The following GIT2 variants were observed in gnomAD, a reference collection of about 807,000 sequenced individuals.
GIT2 encodes the protein ARF GTPase-activating protein GIT2.
Under a neutral mutation model 100.3 loss-of-function variants are expected in GIT2, and 32 were observed. The ratio of observed to expected loss-of-function variants is 0.32; its 90% confidence interval spans 0.24 to 0.43. The LOEUF (loss-of-function observed/expected upper bound fraction) is 0.43, where lower values mean the gene tolerates loss of function less well. Ranked by LOEUF, GIT2 falls within the 20% of genes least tolerant of loss-of-function variation. The pLI is 1.00. For missense variants in GIT2, 737 were observed against 975.1 expected (o/e 0.76, Z 3.25); for synonymous variants, 353 against 364.1 (o/e 0.97, Z 0.35).
At chr12:109,999,655 C>A, upstream of GIT2, 1 of 1,492,404 alleles carries the variant, frequency 6.7e-7, no homozygotes, top group Non-Finnish European at 9.0e-7. This position sits in a 1 kb window ranked among gnomAD's most constrained non-coding sequence, Gnocchi z 4.3. Flanking sequence ...AGACTTGGGG[C>A]GGGCGACGAG....
intron 8 of GIT2, 59 bp downstream of exon 8, chr12:109,967,399 A>C: frequency 6.6e-7 from 1 of 1,510,176 alleles, no homozygotes; most frequent in Non-Finnish European, 9.2e-7. Context: ...ACTTAAACAT[A>C]ATACAACCAA....
At position 109,947,466 on chromosome 12, in the gene GIT2, T is replaced by C; in HGVS notation, c.1431A>G (p.Lys477=). ...TLQSENSNLR[K]QATTNVYQVQ... ...CCTGATATACATTGGTTGTGGCCTG[T>C]TTCCTGAGGTTCGAATTTTCACTCT... The change falls in exon 15 of 20, where the codon AAA becomes AAG. Residue 477 remains lysine (K), a synonymous_variant. Transcript: ENST00000355312. The surrounding 1 kb of genome is among the most constrained non-coding windows in gnomAD (Gnocchi z 4.3). 6.2e-7 allele frequency: 1 copy of C among 1,613,880 alleles called. No homozygotes were observed. Among genetic ancestry groups the C allele is most frequent in the Non-Finnish European group, 8.5e-7 (1 of 1,179,744 alleles).
intron 7 of GIT2, among the ~76,000 whole-genome samples, chr12:109,970,455 T>G (rs1476929505): frequency 6.6e-6 from 1 of 152,170 alleles, no homozygotes; most frequent in Non-Finnish European, 1.5e-5. Flanking sequence ...ATCCCACCAC[T>G]GCACTCCAGC....
In GIT2 at chr12:109,992,140, CT is replaced by C. The variant is rs35643426; in HGVS notation, c.53-381del. ...CATCTCCATAAAAATCAAGATAATA[CT>C]TTTTTTTTTTTTTTTTTTTTTTTGA... On this transcript the variant is annotated intron_variant, in intron 1 of 19. Coordinates refer to ENST00000355312, the MANE Select transcript of GIT2 (RefSeq NM_057169.5). The C allele has an allele frequency of 7.4e-3, 686 of 92,162 alleles. 1 individual carries two copies. The highest frequency in any genetic ancestry group is 0.011 in the Middle Eastern group (1 of 94). 5.7% of individuals were successfully genotyped at this position (92,162 alleles called of 1,614,324 possible). A position where few individuals can be genotyped will look rare whatever the true frequency, so the allele number is the denominator to read the frequency against.
intron 12 of GIT2, among the ~76,000 whole-genome samples, chr12:109,957,641 G>A (rs1004084529): frequency 2.0e-5 from 3 of 151,584 alleles, no homozygotes; most frequent in Non-Finnish European, 4.4e-5. Context: ...CGAGTAGCTG[G>A]GACCACAGGC....
intron 16 of GIT2, among the ~76,000 whole-genome samples, chr12:109,941,420 G>T (rs560600644): frequency 1.3e-5 from 2 of 152,304 alleles, no homozygotes; most frequent in South Asian, 2.1e-4. Context: ...ATAGCAGGAA[G>T]ATCATGGGCA....
intron 6 of GIT2, chr12:109,982,115 T>A (rs976190110): frequency 1.3e-5 from 2 of 152,278 alleles, no homozygotes; most frequent in Non-Finnish European, 2.9e-5. Flanking sequence ...GTACTCCTGC[T>A]GTTATTCCCA....
intron 17 of GIT2, 23 bp downstream of exon 17, chr12:109,939,142 G>C: frequency 6.6e-7 from 1 of 1,509,082 alleles, no homozygotes; most frequent in Non-Finnish European, 9.2e-7. Context: ...CCCTCCCCTG[G>C]CACGCTCGTC....
rs1173631855 is a variant in GIT2 at position 109,933,523 on chromosome 12, G to GTCT, written c.2068-334_2068-333insAGA. On this transcript the variant is annotated intron_variant, in intron 19 of 19. Coordinates refer to ENST00000355312, the MANE Select transcript of GIT2 (RefSeq NM_057169.5). This position sits in a 1 kb window ranked among gnomAD's most constrained non-coding sequence, Gnocchi z 4.5. ...TAAAATGTGCCTTTTAGCACGACTT[G>GTCT]TATATCCTTGTCTTATTAAATCAAC... The GTCT allele has an allele frequency of 3.9e-6, 1 of 258,828 alleles. No individual in the cohort carries two copies. The highest frequency in any genetic ancestry group is 2.2e-5 in the African/African-American group (1 of 45,384). The allele number at this position is 258,828 out of a possible 1,614,324, so 16.0% of individuals were successfully genotyped here. A position where few individuals can be genotyped will look rare whatever the true frequency, so the allele number is the denominator to read the frequency against.
At chr12:109,981,366 T>G (rs1189753717) in intron 6 of GIT2, 1 of 245,714 alleles carries the variant, frequency 4.1e-6, no homozygotes, top group Non-Finnish European at 8.0e-6. Flanking sequence ...ATCAATGGTT[T>G]ACGGTAGAAG....
intron 16 of GIT2, among the ~76,000 whole-genome samples, chr12:109,944,657 C>T (rs1657870762): frequency 6.6e-6 from 1 of 152,168 alleles, no homozygotes; most frequent in Non-Finnish European, 1.5e-5. Context: ...ATAAATTATA[C>T]ACCAGTAGGT....
intron 11 of GIT2, 123 bp downstream of exon 11, chr12:109,961,155 T>C (rs2136395100): frequency 1.6e-6 from 1 of 618,188 alleles, no homozygotes; most frequent in Non-Finnish European, 2.9e-6. Flanking sequence ...TGTGTGTGTA[T>C]ATATGTATAA....
In GIT2 at chr12:109,947,614, G is replaced by A; in HGVS notation, c.1393-110C>T. The A allele has an allele frequency of 1.0e-6, 1 of 984,976 alleles. No individual in the cohort carries two copies. Among genetic ancestry groups the A allele is most frequent in the Non-Finnish European group, 1.5e-6 (1 of 656,410 alleles). 61.0% of individuals were successfully genotyped at this position (984,976 alleles called of 1,614,324 possible). ...GTTTTAAACAATAAGGACAGTAACA[G>A]CTAGCCGGGCTGAAAGTAAAAAGCC... On this transcript the variant is annotated intron_variant, in intron 14 of 19. Transcript: ENST00000355312. This position sits in a 1 kb window ranked among gnomAD's most constrained non-coding sequence, Gnocchi z 4.3.
chr12:109,951,101 CCT>C, intron 14 of GIT2, 64 bp downstream of exon 14: 1 of 1,364,312 alleles, frequency 7.3e-7, no homozygotes, highest in South Asian at 1.2e-5. Flanking sequence ...CATCACAGTG[CCT>C]GAGATTCTTC....
Position 109,953,190 on chromosome 12 carries a change from C to T in GIT2, c.1144G>A (p.Val382Ile), listed in dbSNP as rs560157222. ...GGCTGATCGTTGTCTTGACTCTCAA[C>T]GCTGTGCTGGTTATTGATGGTTTTC... is the stretch of plus-strand genomic sequence containing the variant. Reference protein sequence around the residue: ...ILKTINNQHSVESQDNDQPDY... With the variant: ...ILKTINNQHSIESQDNDQPDY... The change falls in exon 13 of 20, where the codon GTT (valine) becomes ATT (isoleucine). Residue 382 changes from valine (V) to isoleucine (I), a missense_variant. By Grantham distance (29) the Val-to-Ile change is conservative (BLOSUM62 3). Transcript: ENST00000355312. 506 of 1,613,974 alleles carry T rather than the reference C, an allele frequency of 3.1e-4. 5 individuals carry two copies. In the South Asian group the frequency reaches 5.2e-3, roughly 17 times the overall value.
intron 16 of GIT2, chr12:109,939,762 C>G (rs1403789953): frequency 6.6e-6 from 1 of 151,438 alleles, no homozygotes. Context: ...ACCTGTAGTC[C>G]CAGCTCCTCA....
intron 15 of GIT2, among the ~76,000 whole-genome samples, chr12:109,946,724 A>T (rs1320922681): frequency 6.6e-6 from 1 of 152,256 alleles, no homozygotes; most frequent in East Asian, 1.9e-4. Flanking sequence ...CACACTGAGC[A>T]CACATGGAGA....
intron 4 of GIT2, among the ~76,000 whole-genome samples, chr12:109,984,572 A>C (rs1230810605): frequency 6.6e-6 from 1 of 151,954 alleles, no homozygotes; most frequent in African/African-American, 2.4e-5. Context: ...TCAGCCTCCC[A>C]AACAGCTGGG....
intron 16 of GIT2, 121 bp downstream of exon 16, chr12:109,945,139 G>A (rs1875950727): frequency 1.5e-6 from 1 of 649,636 alleles, no homozygotes; most frequent in Admixed American, 2.4e-5. Flanking sequence ...CCAGGAGGAA[G>A]TGCTGCCTCA....
Sources: allele counts gnomAD v4.1 joint callset (sites outside exome capture counted in the v4.1 genomes callset), GRCh38; gene constraint gnomAD v4.1.1; non-coding constraint Gnocchi (gnomAD v3.1); transcripts MANE v1.5; gene names NCBI Gene and HGNC (gene_info 2026-07-23, HGNC 2026-07-21).